The following LRMDA variants were observed in gnomAD, a reference collection of about 807,000 sequenced individuals.
The protein encoded by LRMDA is leucine-rich melanocyte differentiation-associated protein.
In LRMDA, 18 loss-of-function variants were observed where a neutral mutation model predicts 29.8. The ratio of observed to expected loss-of-function variants is 0.60; its 90% CI spans 0.42 to 0.90. The LOEUF (loss-of-function observed/expected upper bound fraction) is 0.90. Among genes scored for constraint, LRMDA ranks in the 40% least tolerant of loss-of-function variants. The probability of loss-of-function intolerance (pLI) is 0.00; values close to 1 mark genes in which losing one functional copy is unlikely to be tolerated. For synonymous variants in LRMDA, 125 were observed against 109.4 expected, an observed-to-expected ratio of 1.14 and a Z score of -0.89; for missense variants, 273 against 273.9, an observed-to-expected ratio of 1.00 and a Z score of 0.02.
intron 2 of LRMDA, among the ~76,000 whole-genome samples, chr10:75,720,780 T>G (rs920489123): frequency 6.6e-6 from 1 of 152,170 alleles, no homozygotes; most frequent in Non-Finnish European, 1.5e-5. Context: ...TTTATTCTCC[T>G]TGGTCCAGTG....
At chr10:75,621,615 G>A (rs762168002) in intron 2 of LRMDA, among the ~76,000 whole-genome samples, 4 of 152,180 alleles carry the variant, frequency 2.6e-5, no homozygotes, top group Non-Finnish European at 4.4e-5. Context: ...CCGTCTCCTG[G>A]TGGTGGAAAC....
At chr10:75,976,768 T>C (rs1372715932) in intron 2 of LRMDA, among the ~76,000 whole-genome samples, 2 of 152,214 alleles carry the variant, frequency 1.3e-5, no homozygotes, top group Admixed American at 6.5e-5. Context: ...GGTTTATGAA[T>C]GCAGTAGCTC....
intron 6 of LRMDA, among the ~76,000 whole-genome samples, chr10:76,513,781 G>T (rs1843032374): frequency 6.6e-6 from 1 of 152,136 alleles, no homozygotes; most frequent in Non-Finnish European, 1.5e-5. Context: ...CTTTAACTTT[G>T]AGGATCAGGT....
intron 5 of LRMDA, among the ~76,000 whole-genome samples, chr10:76,247,696 C>A (rs1448739412): frequency 6.6e-6 from 1 of 152,128 alleles, no homozygotes; most frequent in Non-Finnish European, 1.5e-5. Context: ...AGTTTCTCTA[C>A]CCACCTCTTG....
chr10:76,242,151 G>A (rs951398444), intron 5 of LRMDA: 2 of 152,170 alleles, frequency 1.3e-5, no homozygotes, highest in Non-Finnish European at 2.9e-5. Context: ...CTCCTCCTTA[G>A]TCAACCTGGT....
intron 2 of LRMDA, among the ~76,000 whole-genome samples, chr10:75,918,199 A>G (rs2132385690): frequency 6.6e-6 from 1 of 152,334 alleles, no homozygotes; most frequent in Admixed American, 6.5e-5. Context: ...TCAAACCCAG[A>G]CAGTCTAGCC....
At chr10:76,347,106 T>C (rs1476126106) in intron 6 of LRMDA, among the ~76,000 whole-genome samples, 3 of 152,232 alleles carry the variant, frequency 2.0e-5, no homozygotes, top group Non-Finnish European at 2.9e-5. Flanking sequence ...TACAGATAGA[T>C]AAAGGTATGG....
intron 2 of LRMDA, among the ~76,000 whole-genome samples, chr10:75,768,933 T>C (rs1318800281): frequency 1.3e-5 from 2 of 152,216 alleles, no homozygotes; most frequent in African/African-American, 4.8e-5. Context: ...TAGCTTTTCT[T>C]GATTTGGCCA....
intron 2 of LRMDA, among the ~76,000 whole-genome samples, chr10:75,618,382 C>A (rs9416089): frequency 0.11 from 8,364 of 76,352 alleles, 370 homozygotes; most frequent in African/African-American, 0.17. Flanking sequence ...CTCTCTCTCT[C>A]TATATATATA....
chr10:75,528,544 C>T (rs1025230468), intron 2 of LRMDA, among the ~76,000 whole-genome samples: 18 of 152,144 alleles, frequency 1.2e-4, no homozygotes, highest in Admixed American at 6.6e-5. Context: ...ATTGACCAGA[C>T]CAAAAGGAGA....
chr10:76,378,969 G>A (rs541923534), intron 6 of LRMDA, among the ~76,000 whole-genome samples: 1 of 144,404 alleles, frequency 6.9e-6, no homozygotes, highest in African/African-American at 2.6e-5. Flanking sequence ...CAATTCTTCT[G>A]CCTCAGTCTC....
chr10:75,462,211 C>A (rs1433162452), intron 2 of LRMDA, among the ~76,000 whole-genome samples: 3 of 152,204 alleles, frequency 2.0e-5, no homozygotes, highest in Admixed American at 2.0e-4. Context: ...CACATTATAG[C>A]ATTACTTTGC....
intron 6 of LRMDA, among the ~76,000 whole-genome samples, chr10:76,426,675 G>C (rs1842129520): frequency 6.6e-6 from 1 of 152,228 alleles, no homozygotes; most frequent in South Asian, 2.1e-4. Flanking sequence ...GAAGTCCTTG[G>C]CCATACCTAT....
intron 6 of LRMDA, among the ~76,000 whole-genome samples, chr10:76,513,914 G>A (rs143281042): frequency 6.6e-6 from 1 of 152,294 alleles, no homozygotes; most frequent in East Asian, 1.9e-4. Flanking sequence ...AAGGGTCCAT[G>A]TATTACATAG....
intron 5 of LRMDA, among the ~76,000 whole-genome samples, chr10:76,106,797 A>T (rs1446362055): frequency 4.6e-5 from 7 of 152,198 alleles, no homozygotes; most frequent in Non-Finnish European, 8.8e-5. Flanking sequence ...GCGGGACAAG[A>T]GGAAGCTGGA....
At chr10:75,844,275 C>T (rs1156556438) in intron 2 of LRMDA, among the ~76,000 whole-genome samples, 5 of 152,160 alleles carry the variant, frequency 3.3e-5, no homozygotes, top group Non-Finnish European at 7.3e-5. Context: ...TTTTCTTCCC[C>T]CTTTCTCTTT....
chr10:76,182,252 GCCACA>G (rs1851062836), intron 5 of LRMDA, among the ~76,000 whole-genome samples: 1 of 152,102 alleles, frequency 6.6e-6, no homozygotes, highest in Non-Finnish European at 1.5e-5. Flanking sequence ...GAGGGAAAGT[GCCACA>G]CTTTTAAACC....
At chr10:76,470,967 A>T (rs1338417861) in intron 6 of LRMDA, among the ~76,000 whole-genome samples, 1 of 151,924 alleles carries the variant, frequency 6.6e-6, no homozygotes, top group Non-Finnish European at 1.5e-5. Flanking sequence ...TTAACTCTAA[A>T]AAAGCAATTA....
intron 6 of LRMDA, among the ~76,000 whole-genome samples, chr10:76,434,878 G>C (rs183485285): frequency 4.6e-5 from 7 of 152,276 alleles, no homozygotes; most frequent in African/African-American, 1.7e-4. Context: ...CTTTTGAGTT[G>C]TATTCATTTG....
Sources: allele counts gnomAD v4.1 joint callset (sites outside exome capture counted in the v4.1 genomes callset), GRCh38; gene constraint gnomAD v4.1.1; transcripts MANE v1.5; gene names NCBI Gene and HGNC (gene_info 2026-07-23, HGNC 2026-07-21).